PDE7A: variants seen among roughly 807,000 people sequenced by gnomAD.
The protein encoded by PDE7A is high affinity 3',5'-cyclic-AMP phosphodiesterase 7A.
PDE7A carries 39 observed loss-of-function variants against 64.3 expected under a neutral mutation model. The ratio of observed to expected loss-of-function variants is 0.61; its 90% CI spans 0.47 to 0.79. The LOEUF (loss-of-function observed/expected upper bound fraction) is 0.79. PDE7A is among the 30% of genes least tolerant of loss of function. The pLI is 0.00. For missense variants in PDE7A, 470 were observed against 582.8 expected, an observed-to-expected ratio of 0.81 and a Z score of 1.99; for synonymous variants, 203 against 206.8, an observed-to-expected ratio of 0.98 and a Z score of 0.16.
At chr8:65,732,315 G>A (rs1482510420) in intron 7 of PDE7A, among the ~76,000 whole-genome samples, 1 of 151,728 alleles carries the variant, frequency 6.6e-6, no homozygotes, top group Admixed American at 6.6e-5. Flanking sequence ...ATATTATTTT[G>A]ATCAAAATTC....
At chr8:65,805,706 G>C (rs1445724100) in intron 1 of PDE7A, among the ~76,000 whole-genome samples, 3 of 152,122 alleles carry the variant, frequency 2.0e-5, no homozygotes, top group Non-Finnish European at 4.4e-5. Context: ...TGGTACTGTG[G>C]ATTCACCCTC....
At chr8:65,754,250 C>G (rs373058314) in intron 3 of PDE7A, among the ~76,000 whole-genome samples, 1 of 152,054 alleles carries the variant, frequency 6.6e-6, no homozygotes, top group Non-Finnish European at 1.5e-5. Flanking sequence ...GGTGCCCCCC[C>G]GCCCCAAGAT....
chr8:65,783,799 T>C (rs1398505684), intron 1 of PDE7A, among the ~76,000 whole-genome samples: 1 of 152,232 alleles, frequency 6.6e-6, no homozygotes, highest in African/African-American at 2.4e-5. Context: ...AAATTAATAA[T>C]AACTGATAAA....
chr8:65,766,339 A>G (rs534094734), intron 3 of PDE7A, among the ~76,000 whole-genome samples: 156 of 152,384 alleles, frequency 1.0e-3, no homozygotes, highest in South Asian at 2.7e-3. Flanking sequence ...GACCAAGTAT[A>G]TGGCTAATTG....
intron 1 of PDE7A, among the ~76,000 whole-genome samples, chr8:65,824,041 T>G (rs1486214747): frequency 2.0e-5 from 3 of 152,206 alleles, no homozygotes; most frequent in Non-Finnish European, 4.4e-5. Context: ...CAGGAATGCC[T>G]TGCTTTATTG....
intron 3 of PDE7A, among the ~76,000 whole-genome samples, chr8:65,751,743 C>T (rs1166425315): frequency 1.3e-5 from 2 of 152,184 alleles, no homozygotes; most frequent in Non-Finnish European, 2.9e-5. Context: ...CTGCCTGCCG[C>T]GGCCTCCCAA....
chr8:65,736,251 G>C (rs1205297198), intron 6 of PDE7A, among the ~76,000 whole-genome samples: 5 of 152,048 alleles, frequency 3.3e-5, no homozygotes, highest in African/African-American at 9.7e-5. Flanking sequence ...TAACCAACAC[G>C]GTTCAGGATG....
intron 1 of PDE7A, among the ~76,000 whole-genome samples, chr8:65,814,201 A>C (rs1402301312): frequency 1.3e-5 from 2 of 152,228 alleles, no homozygotes; most frequent in African/African-American, 2.4e-5. Context: ...AATATGTAGT[A>C]TGATTCCATT....
intron 1 of PDE7A, among the ~76,000 whole-genome samples, chr8:65,832,054 T>C (rs1204068491): frequency 6.6e-6 from 1 of 152,214 alleles, no homozygotes; most frequent in Non-Finnish European, 1.5e-5. Flanking sequence ...CTGTTATTTG[T>C]TTTTTAAACA....
At chr8:65,788,361 T>C (rs143938860) in intron 1 of PDE7A, among the ~76,000 whole-genome samples, 7 of 152,338 alleles carry the variant, frequency 4.6e-5, no homozygotes, top group Middle Eastern at 3.4e-3. Context: ...AAACAACATA[T>C]ATGTAATCCT....
intron 1 of PDE7A, among the ~76,000 whole-genome samples, chr8:65,831,389 A>G (rs1429687221): frequency 6.6e-6 from 1 of 152,080 alleles, no homozygotes; most frequent in Admixed American, 6.5e-5. Context: ...TTCACAATCT[A>G]CCTGGTCTTT....
At chr8:65,743,997 C>A (rs550919598) in intron 5 of PDE7A, among the ~76,000 whole-genome samples, 3 of 152,184 alleles carry the variant, frequency 2.0e-5, no homozygotes, top group African/African-American at 7.2e-5. Context: ...CACACCCAGC[C>A]AATGTTTGTA....
intron 7 of PDE7A, among the ~76,000 whole-genome samples, chr8:65,732,404 T>C (rs1232171743): frequency 6.6e-6 from 1 of 152,236 alleles, no homozygotes; most frequent in Non-Finnish European, 1.5e-5. Context: ...CCTGCCCTGC[T>C]CACCACCACA....
intron 12 of PDE7A, 98 bp downstream of exon 12, chr8:65,723,443 G>A (rs1202128389): frequency 1.8e-6 from 2 of 1,120,504 alleles, no homozygotes; most frequent in South Asian, 6.3e-5. Flanking sequence ...AAATAGAAAT[G>A]AGCATAATTT....
In PDE7A at chr8:65,724,366, A is replaced by T. The variant is rs371408919; in HGVS notation, c.1066-15T>A. On this transcript the variant is annotated splice_polypyrimidine_tract_variant and intron_variant, in intron 10 of 12. Coordinates refer to ENST00000401827, the MANE Select transcript of PDE7A (RefSeq NM_001242318.3). ...TTCAAAGCCATCTAGCAAACAAAAC[A>T]TTAATATTGTTTTAAGATATATACA... is the stretch of plus-strand genomic sequence containing the variant. 10 of 1,577,320 alleles carry T rather than the reference A, an allele frequency of 6.3e-6. No individual in the cohort carries two copies. Among genetic ancestry groups the T allele is most frequent in the Non-Finnish European group, 8.7e-6 (10 of 1,147,534 alleles).
intron 1 of PDE7A, among the ~76,000 whole-genome samples, chr8:65,810,414 T>C (rs6992865): frequency 0.12 from 17,596 of 151,982 alleles, 1,038 homozygotes; most frequent in Middle Eastern, 0.14. Flanking sequence ...AGTTAATGGG[T>C]GCAGCAAACC....
Position 65,715,996 on chromosome 8 carries a change from CAAAAAAAAAA to C in PDE7A, c.*3284_*3293del, listed in dbSNP as rs779701295. ...TGGGCGACAGAGCAAGGCTCTGTCT[CAAAAAAAAAA>C]AAAAAAAAAAAAAAAAAAATTAGCT... On this transcript the variant is annotated 3_prime_UTR_variant, in exon 13 of 13. Coordinates refer to ENST00000401827, the MANE Select transcript of PDE7A (RefSeq NM_001242318.3). Among the ~76,000 whole-genome samples, 8 of 33,868 alleles carry C rather than the reference CAAAAAAAAAA, an allele frequency of 2.4e-4. No individual in the cohort carries two copies. Among genetic ancestry groups the C allele is most frequent in the African/African-American group, 9.3e-4 (7 of 7,516 alleles). The allele number at this position is 33,868 out of a possible 152,430, so 22.2% of individuals were successfully genotyped here. A position where few individuals can be genotyped will look rare whatever the true frequency, so the allele number is the denominator to read the frequency against.
intron 9 of PDE7A, among the ~76,000 whole-genome samples, chr8:65,726,657 G>A (rs949235214): frequency 6.6e-6 from 1 of 152,084 alleles, no homozygotes. Context: ...CAAACCCATG[G>A]AATAGTCTTT....
chr8:65,787,919 A>G (rs1049108745), intron 1 of PDE7A, among the ~76,000 whole-genome samples: 3 of 152,224 alleles, frequency 2.0e-5, no homozygotes, highest in Non-Finnish European at 2.9e-5. Context: ...CACTGCAACA[A>G]AATTAATTCT....
Sources: allele counts gnomAD v4.1 joint callset (sites outside exome capture counted in the v4.1 genomes callset), GRCh38; gene constraint gnomAD v4.1.1; transcripts MANE v1.5; gene names NCBI Gene and HGNC (gene_info 2026-07-23, HGNC 2026-07-21).